FLI1: variants seen among roughly 807,000 people sequenced by gnomAD.
FLI1 encodes Friend leukemia integration 1 transcription factor.
FLI1 carries 13 observed loss-of-function variants against 53.1 expected under a neutral mutation model. The observed-to-expected ratio is 0.24, with a 90% CI of 0.16 to 0.39. FLI1 has a LOEUF of 0.39. FLI1 is among the 10% of genes least tolerant of loss of function. The pLI is 1.00. For missense variants in FLI1, 424 were observed against 600.5 expected (o/e 0.71, Z 3.07); for synonymous variants, 244 against 236.7 (o/e 1.03, Z -0.28).
intron 1 of FLI1, among the ~76,000 whole-genome samples, chr11:128,731,174 G>A (rs1486098268): frequency 6.6e-6 from 1 of 152,254 alleles, no homozygotes; most frequent in African/African-American, 2.4e-5. Context: ...AAGGTAGGGT[G>A]AGGCTGTGAC....
intron 3 of FLI1, among the ~76,000 whole-genome samples, chr11:128,772,387 C>T (rs1487228319): frequency 2.6e-5 from 4 of 152,142 alleles, no homozygotes; most frequent in Admixed American, 6.5e-5. Flanking sequence ...CTGAGGGATC[C>T]GTGTTCTTTC....
At chr11:128,757,717 C>T (rs1940946991) in intron 1 of FLI1, among the ~76,000 whole-genome samples, 2 of 152,160 alleles carry the variant, frequency 1.3e-5, no homozygotes, top group African/African-American at 2.4e-5. Flanking sequence ...TGACTCCACT[C>T]AGCTCGTAAG....
Position 128,763,724 on chromosome 11 carries a change from T to C in FLI1, c.231-4394T>C, listed in dbSNP as rs188518774. Among the ~76,000 whole-genome samples, 4 of 152,312 alleles carry C rather than the reference T, an allele frequency of 2.6e-5. No homozygotes were observed. The East Asian group carries it at 7.7e-4, about 29-fold the overall frequency. On this transcript the variant is annotated intron_variant, in intron 2 of 8. Coordinates refer to ENST00000527786, the MANE Select transcript of FLI1 (RefSeq NM_002017.5). ...AACTCTTGTGTTCTCAACCTTGCAGTATGAGACATGTCACACATAACCTGG... is the reference window on the plus strand; with the variant it reads ...AACTCTTGTGTTCTCAACCTTGCAGCATGAGACATGTCACACATAACCTGG...
intron 2 of FLI1, among the ~76,000 whole-genome samples, chr11:128,761,418 C>T (rs568981196): frequency 1.2e-4 from 18 of 152,182 alleles, no homozygotes; most frequent in African/African-American, 3.1e-4. Flanking sequence ...GGGCCTGAAA[C>T]GGTAGGTGCT....
chr11:128,792,730 A>G (rs1336597086), intron 5 of FLI1, among the ~76,000 whole-genome samples: 1 of 152,186 alleles, frequency 6.6e-6, no homozygotes, highest in Non-Finnish European at 1.5e-5. Flanking sequence ...TGTGTTTAAT[A>G]CTACATTTAA....
intron 5 of FLI1, among the ~76,000 whole-genome samples, chr11:128,801,875 G>A (rs1226043750): frequency 6.6e-6 from 1 of 152,200 alleles, no homozygotes; most frequent in Non-Finnish European, 1.5e-5. Context: ...TGATGTTCAG[G>A]AGGGAGGGGG....
intron 1 of FLI1, among the ~76,000 whole-genome samples, chr11:128,712,900 C>T (rs1938846064): frequency 6.6e-6 from 1 of 152,184 alleles, no homozygotes; most frequent in Non-Finnish European, 1.5e-5. Context: ...AATATATTGC[C>T]TGCTACACCT....
intron 1 of FLI1, among the ~76,000 whole-genome samples, chr11:128,729,538 G>T (rs1357341594): frequency 6.6e-6 from 1 of 152,188 alleles, no homozygotes; most frequent in Non-Finnish European, 1.5e-5. Flanking sequence ...GGTATGTGAG[G>T]CATATGGCAC....
upstream of FLI1, chr11:128,686,473 A>T (rs1296218324): frequency 2.2e-6 from 1 of 456,416 alleles, no homozygotes; most frequent in South Asian, 1.5e-5. Flanking sequence ...GAGAGTGCTC[A>T]ACACCCAACC....
At chr11:128,712,284 G>T (rs568516189) in intron 1 of FLI1, among the ~76,000 whole-genome samples, 32 of 152,288 alleles carry the variant, frequency 2.1e-4, no homozygotes, top group African/African-American at 7.0e-4. Flanking sequence ...CACCACAATT[G>T]TATGCTTTCT....
At chr11:128,719,278 TA>T (rs36139999) in intron 1 of FLI1, among the ~76,000 whole-genome samples, 212 of 137,354 alleles carry the variant, frequency 1.5e-3, no homozygotes, top group East Asian at 7.1e-3. Context: ...TCAGTTAGAT[TA>T]AAAAAAAAAA....
rs1941928652 is a variant in FLI1 at position 128,781,937 on chromosome 11, T to G, written c.590-21T>G. ...TCAGAAGAACATTTTGGTTATAACC[T>G]GTTTATGTTTTGCCTCTCAGGTTCA... On this transcript the variant is annotated intron_variant, in intron 4 of 8. Coordinates refer to ENST00000527786, the MANE Select transcript of FLI1 (RefSeq NM_002017.5). The G allele has an allele frequency of 4.4e-6, 7 of 1,606,382 alleles. No homozygotes were observed. In the East Asian group the frequency reaches 1.6e-4, roughly 36 times the overall value.
At chr11:128,688,017 G>C (rs2135674017) in intron 1 of FLI1, among the ~76,000 whole-genome samples, 1 of 152,326 alleles carries the variant, frequency 6.6e-6, no homozygotes, top group Middle Eastern at 3.4e-3. Flanking sequence ...CAGTTTTCCT[G>C]AGAAGTTTAG....
intron 2 of FLI1, among the ~76,000 whole-genome samples, chr11:128,761,341 C>T (rs1941113294): frequency 6.6e-6 from 1 of 152,226 alleles, no homozygotes; most frequent in Non-Finnish European, 1.5e-5. Context: ...CCAGCGCCTC[C>T]TCACTCTTTA....
upstream of FLI1, among the ~76,000 whole-genome samples, chr11:128,689,267 C>T (rs1350084686): frequency 6.6e-6 from 1 of 152,144 alleles, no homozygotes; most frequent in Admixed American, 6.5e-5. Flanking sequence ...TGGAGTAACC[C>T]TGACCCGCAC....
At chr11:128,777,830 GGACGCTTGC>G (rs1162375457) in intron 4 of FLI1, among the ~76,000 whole-genome samples, 1 of 131,882 alleles carries the variant, frequency 7.6e-6, no homozygotes, top group Non-Finnish European at 1.7e-5. Flanking sequence ...TTTGGCACTG[GGACGCTTGC>G]GCCCCCTGGC....
At chr11:128,737,231 C>A (rs887454319) in intron 1 of FLI1, among the ~76,000 whole-genome samples, 1 of 152,158 alleles carries the variant, frequency 6.6e-6, no homozygotes, top group African/African-American at 2.4e-5. Context: ...TCATCCACTC[C>A]CTCATCTGTA....
chr11:128,690,188 T>C (rs1937677462), upstream of FLI1, among the ~76,000 whole-genome samples: 1 of 152,072 alleles, frequency 6.6e-6, no homozygotes, highest in Admixed American at 6.5e-5. Flanking sequence ...GAAGCTGCAT[T>C]TGTGCAGTCT....
intron 5 of FLI1, among the ~76,000 whole-genome samples, chr11:128,784,506 G>A (rs1172352518): frequency 2.0e-5 from 3 of 151,978 alleles, no homozygotes; most frequent in African/African-American, 2.4e-5. Flanking sequence ...TCCCAACATC[G>A]GGCCTGGCCT....
Sources: allele counts gnomAD v4.1 joint callset (sites outside exome capture counted in the v4.1 genomes callset), GRCh38; gene constraint gnomAD v4.1.1; transcripts MANE v1.5; gene names NCBI Gene and HGNC (gene_info 2026-07-23, HGNC 2026-07-21).